Variants in ATP9A observed in about 807,000 individuals in gnomAD.
The protein encoded by ATP9A is probable phospholipid-transporting ATPase IIA.
In ATP9A, 52 loss-of-function variants were observed where a neutral mutation model predicts 144.1. The observed-to-expected ratio is 0.36, with a 90% CI of 0.29 to 0.45. ATP9A has a LOEUF of 0.45. Ranked by LOEUF, ATP9A falls within the 20% of genes least tolerant of loss-of-function variation. The probability of loss-of-function intolerance (pLI) is 1.00; values close to 1 mark genes in which losing one functional copy is unlikely to be tolerated. For synonymous variants in ATP9A, 582 were observed against 557.4 expected (o/e 1.04, Z -0.62); for missense variants, 947 against 1,392.7 (o/e 0.68, Z 5.09).
chr20:51,743,412 T>TTTTTTTG, intron 1 of ATP9A, among the ~76,000 whole-genome samples: 1 of 143,006 alleles, frequency 7.0e-6, no homozygotes, highest in East Asian at 2.0e-4. Flanking sequence ...TTTTTTTTTT[T>TTTTTTTG]TTTTTGAGAC....
intron 9 of ATP9A, among the ~76,000 whole-genome samples, chr20:51,688,012 A>C (rs2077531020): frequency 6.6e-6 from 1 of 152,250 alleles, no homozygotes; most frequent in East Asian, 1.9e-4. Flanking sequence ...TTTCTGGAGC[A>C]AAATGCCTAG....
intron 11 of ATP9A, among the ~76,000 whole-genome samples, chr20:51,671,827 C>G (rs1015605374): frequency 5.9e-5 from 9 of 151,782 alleles, no homozygotes; most frequent in Non-Finnish European, 1.3e-4. Flanking sequence ...GAGACGAAGT[C>G]TCACTCTGTT....
At chr20:51,726,448 G>C (rs1045985017) in intron 2 of ATP9A, among the ~76,000 whole-genome samples, 7 of 151,140 alleles carry the variant, frequency 4.6e-5, no homozygotes, top group Admixed American at 1.3e-4. Context: ...ATTTGTAAAA[G>C]AAAGAGTAAA....
rs146599296 is a variant in ATP9A at position 51,733,459 on chromosome 20, C to T, written c.69-3481G>A. On this transcript the variant is annotated intron_variant, in intron 1 of 27. Coordinates refer to ENST00000338821, the MANE Select transcript of ATP9A (RefSeq NM_006045.3). ...CACGATCTCCACTCACTGCAACCTC[C>T]ACCTACTGGGTTCAAGCCATTCTCC... Among the ~76,000 whole-genome samples the T allele has an allele frequency of 3.5e-3, 532 of 152,176 alleles. 5 individuals are homozygous for T. Among genetic ancestry groups the T allele is most frequent in the African/African-American group, 0.012 (504 of 41,526 alleles).
intron 22 of ATP9A, among the ~76,000 whole-genome samples, chr20:51,614,741 A>C (rs2077196593): frequency 6.6e-6 from 1 of 152,188 alleles, no homozygotes; most frequent in African/African-American, 2.4e-5. Flanking sequence ...GAACCGAATC[A>C]ATCTGATGGG....
intron 1 of ATP9A, among the ~76,000 whole-genome samples, chr20:51,738,927 C>T (rs1463018379): frequency 2.0e-5 from 3 of 151,964 alleles, no homozygotes; most frequent in Non-Finnish European, 4.4e-5. Flanking sequence ...ACTAAAACTA[C>T]AAAAATTAAC....
chr20:51,733,768 G>A (rs979659346), intron 1 of ATP9A, among the ~76,000 whole-genome samples: 1 of 152,002 alleles, frequency 6.6e-6, no homozygotes, highest in South Asian at 2.1e-4. Context: ...CAAACTCCTG[G>A]GCTGAAGCAA....
rs192379633 is a variant in ATP9A at position 51,607,028 on chromosome 20, T to C, written c.2803+499A>G. 2.4e-3 allele frequency among the ~76,000 whole-genome samples: 360 copies of C among 151,060 alleles called. 2 individuals carry two copies. Among genetic ancestry groups the C allele is most frequent in the African/African-American group, 8.3e-3 (343 of 41,406 alleles). ...GGCTTTGCCCTGTGTCTCAAAAATA[T>C]ATAAATAAATAAATATATATATGTA... On this transcript the variant is annotated intron_variant, in intron 26 of 27. Transcript: ENST00000338821.
At chr20:51,752,827 G>C (rs950877419) in intron 1 of ATP9A, among the ~76,000 whole-genome samples, 4 of 152,208 alleles carry the variant, frequency 2.6e-5, no homozygotes, top group Admixed American at 6.6e-5. Flanking sequence ...CTGTGGCCGG[G>C]TACAGTGTCT....
At chr20:51,664,981 C>T (rs539104938) in intron 13 of ATP9A, among the ~76,000 whole-genome samples, 14 of 151,786 alleles carry the variant, frequency 9.2e-5, no homozygotes, top group African/African-American at 3.4e-4. Context: ...CTGCCCGCCT[C>T]GGCCTCCCAA....
chr20:51,598,944 G>A lies in ATP9A; in HGVS notation c.*2267C>T, dbSNP rs1297384228. 6.6e-6 allele frequency: 1 copy of A among 152,266 alleles called. No homozygotes were observed. Among genetic ancestry groups the A allele is most frequent in the African/African-American group, 2.4e-5 (1 of 41,468 alleles). The allele number at this position is 152,266 out of a possible 1,614,324, so 9.4% of individuals were successfully genotyped here. A position where few individuals can be genotyped will look rare whatever the true frequency, so the allele number is the denominator to read the frequency against. On this transcript the variant is annotated 3_prime_UTR_variant, in exon 28 of 28. Coordinates refer to ENST00000338821, the MANE Select transcript of ATP9A (RefSeq NM_006045.3). ...AAAAAGGTTTGTGGAGAACACTGAC[G>A]AGTACCTTCCACTTCCAACTATGGC... is the stretch of plus-strand genomic sequence containing the variant.
At chr20:51,602,990 G>A (rs2077149025) in intron 27 of ATP9A, among the ~76,000 whole-genome samples, 1 of 152,180 alleles carries the variant, frequency 6.6e-6, no homozygotes, top group Non-Finnish European at 1.5e-5. Context: ...AAGGCCTGAG[G>A]TAAAGGAGCA....
At chr20:51,760,230 G>C (rs1027198719) in intron 1 of ATP9A, among the ~76,000 whole-genome samples, 1 of 152,134 alleles carries the variant, frequency 6.6e-6, no homozygotes, top group East Asian at 1.9e-4. Flanking sequence ...GTTGTTGCCT[G>C]TGAGTTCGAT....
At chr20:51,677,730 C>T (rs2077483250) in intron 9 of ATP9A, among the ~76,000 whole-genome samples, 1 of 152,188 alleles carries the variant, frequency 6.6e-6, no homozygotes, top group African/African-American at 2.4e-5. Context: ...AGAACTCCCC[C>T]ACCCCTTCTA....
intron 16 of ATP9A, among the ~76,000 whole-genome samples, chr20:51,628,595 C>T (rs771253149): frequency 6.6e-6 from 1 of 152,212 alleles, no homozygotes; most frequent in Admixed American, 6.5e-5. Flanking sequence ...GAATAGAGGG[C>T]GGCCTCTGGC....
chr20:51,650,117 C>T (rs115182274), intron 14 of ATP9A, among the ~76,000 whole-genome samples: 168 of 152,304 alleles, frequency 1.1e-3, no homozygotes, highest in African/African-American at 3.9e-3. Flanking sequence ...CAGTAAAACT[C>T]AGCCCTCGCT....
At chr20:51,607,622 C>CG (rs1477059694) in intron 25 of ATP9A, 38 bp from the exon 26 acceptor site, 6 of 1,554,816 alleles carry the variant, frequency 3.9e-6, no homozygotes, top group African/African-American at 2.7e-5. Flanking sequence ...GCCGGTTTCG[C>CG]GGGGGGCTCA....
intron 15 of ATP9A, among the ~76,000 whole-genome samples, chr20:51,631,553 G>A (rs1284421878): frequency 6.6e-6 from 1 of 152,136 alleles, no homozygotes; most frequent in Non-Finnish European, 1.5e-5. Flanking sequence ...CCTCCCATGA[G>A]TCACTTCCTC....
intron 4 of ATP9A, among the ~76,000 whole-genome samples, chr20:51,710,438 A>T (rs1355224462): frequency 6.6e-6 from 1 of 152,242 alleles, no homozygotes; most frequent in Non-Finnish European, 1.5e-5. Context: ...AATATTATGA[A>T]GGAATTCGAC....
Sources: allele counts gnomAD v4.1 joint callset (sites outside exome capture counted in the v4.1 genomes callset), GRCh38; gene constraint gnomAD v4.1.1; transcripts MANE v1.5; gene names NCBI Gene and HGNC (gene_info 2026-07-23, HGNC 2026-07-21).